Variants in SLC38A12 observed in about 807,000 individuals in gnomAD.
SLC38A12 encodes solute carrier family 38 member 12.
the SLC38A12 span, among the ~76,000 whole-genome samples, chr17:74,794,779 C>T: frequency 6.6e-6 from 1 of 152,104 alleles, no homozygotes; most frequent in African/African-American, 2.4e-5. Context: ...CTCGTTGAGT[C>T]CTCTCAGGTG....
the SLC38A12 span, among the ~76,000 whole-genome samples, chr17:74,814,179 C>G: frequency 6.6e-6 from 1 of 152,162 alleles, no homozygotes; most frequent in Admixed American, 6.5e-5. Flanking sequence ...CACAGTTCAC[C>G]AGAGTCTGAT....
the SLC38A12 span, among the ~76,000 whole-genome samples, chr17:74,811,457 A>T: frequency 1.3e-5 from 2 of 152,212 alleles, no homozygotes; most frequent in Admixed American, 1.3e-4. Context: ...ATGGTGGCTC[A>T]GGCCTGTAAT....
At chr17:74,789,543 CAA>C in the SLC38A12 span, among the ~76,000 whole-genome samples, 121 of 110,664 alleles carry the variant, frequency 1.1e-3, no homozygotes, top group Admixed American at 9.8e-4. Flanking sequence ...GCAAGCATTT[CAA>C]AAAAAAAAAA....
At chr17:74,782,243 AT>A in the SLC38A12 span, among the ~76,000 whole-genome samples, 2 of 151,834 alleles carry the variant, frequency 1.3e-5, no homozygotes, top group Non-Finnish European at 2.9e-5. Context: ...AATTTTTTGT[AT>A]TTTAGTAGAG....
At chr17:74,817,979 T>C in the SLC38A12 span, among the ~76,000 whole-genome samples, 4 of 152,118 alleles carry the variant, frequency 2.6e-5, no homozygotes, top group African/African-American at 4.8e-5. Context: ...TTGGAAACAT[T>C]TGTGGCAGGT....
At chr17:74,797,059 T>C in the SLC38A12 span, among the ~76,000 whole-genome samples, 2 of 152,146 alleles carry the variant, frequency 1.3e-5, no homozygotes, top group South Asian at 4.1e-4. Flanking sequence ...GCCAGTTTGG[T>C]GGGTCTTTGC....
the SLC38A12 span, among the ~76,000 whole-genome samples, chr17:74,794,207 C>T: frequency 5.9e-5 from 9 of 152,328 alleles, no homozygotes; most frequent in South Asian, 2.1e-4. Context: ...CTCACCCTTA[C>T]GGGTTTGGAG....
the SLC38A12 span, chr17:74,777,544 T>C: frequency 6.5e-7 from 1 of 1,540,060 alleles, no homozygotes; most frequent in African/African-American, 1.4e-5. Flanking sequence ...CTGTGGTGGC[T>C]CAGAATGTAA....
chr17:74,791,720 T>G, the SLC38A12 span, among the ~76,000 whole-genome samples: 4 of 152,370 alleles, frequency 2.6e-5, no homozygotes, highest in South Asian at 6.2e-4. Flanking sequence ...AGTGTGCTGG[T>G]GAACCTGCTC....
chr17:74,807,098 C>G, the SLC38A12 span, among the ~76,000 whole-genome samples: 1 of 152,074 alleles, frequency 6.6e-6, no homozygotes, highest in African/African-American at 2.4e-5. Flanking sequence ...TTCTCTCTCC[C>G]CCAGACACCC....
At chr17:74,837,389 GC>G in the SLC38A12 span, 7 of 985,548 alleles carry the variant, frequency 7.1e-6, no homozygotes, top group South Asian at 3.3e-4. Flanking sequence ...GGACACAGCC[GC>G]CTGCCAGCTG....
At chr17:74,838,034 G>A in the SLC38A12 span, 9 of 985,888 alleles carry the variant, frequency 9.1e-6, no homozygotes, top group South Asian at 2.8e-4. Context: ...CTCTGACAGA[G>A]CGACGATGTA....
At chr17:74,836,756 C>G in the SLC38A12 span, 6 of 1,510,128 alleles carry the variant, frequency 4.0e-6, no homozygotes, top group Non-Finnish European at 5.3e-6. This position sits in a 1 kb window ranked among gnomAD's most constrained non-coding sequence, Gnocchi z 4.2. Context: ...CCGCAGAGCC[C>G]AGATTTAGTT....
At chr17:74,787,797 CTT>C in the SLC38A12 span, among the ~76,000 whole-genome samples, 117 of 141,458 alleles carry the variant, frequency 8.3e-4, no homozygotes, top group Middle Eastern at 3.6e-3. Context: ...CTCAAGTATC[CTT>C]TTTTTTTTTT....
chr17:74,838,049 C>G, the SLC38A12 span: 8 of 985,890 alleles, frequency 8.1e-6, no homozygotes, highest in Non-Finnish European at 9.6e-6. Context: ...GATGTAGGGT[C>G]TCCCGGGGCC....
the SLC38A12 span, among the ~76,000 whole-genome samples, chr17:74,827,818 C>T: frequency 6.6e-6 from 1 of 152,166 alleles, no homozygotes. The surrounding 1 kb of genome is among the most constrained non-coding windows in gnomAD (Gnocchi z 4.7). Flanking sequence ...ATTTAAGGAA[C>T]AAATGCCCAA....
the SLC38A12 span, among the ~76,000 whole-genome samples, chr17:74,825,906 C>T: frequency 1.3e-5 from 2 of 152,278 alleles, no homozygotes; most frequent in Non-Finnish European, 2.9e-5. Context: ...TCCAGAGTTA[C>T]GTTCAGACCC....
At chr17:74,776,656 C>G in the SLC38A12 span, 1 of 152,400 alleles carries the variant, frequency 6.6e-6, no homozygotes, top group African/African-American at 2.4e-5. Context: ...CGGGGCGGCA[C>G]TAGACTCGGG....
the SLC38A12 span, among the ~76,000 whole-genome samples, chr17:74,799,562 G>T: frequency 6.6e-6 from 1 of 152,136 alleles, no homozygotes; most frequent in Non-Finnish European, 1.5e-5. Context: ...AGCTCCCTCC[G>T]GACACCCCCT....
Sources: allele counts gnomAD v4.1 joint callset (sites outside exome capture counted in the v4.1 genomes callset), GRCh38; gene constraint gnomAD v4.1.1; non-coding constraint Gnocchi (gnomAD v3.1); transcripts MANE v1.5; gene names NCBI Gene and HGNC (gene_info 2026-07-23, HGNC 2026-07-21).